CD164L2: variants seen among roughly 807,000 people sequenced by gnomAD.
CD164L2 encodes CD164 sialomucin-like 2 protein.
In CD164L2, 21 loss-of-function variants were observed where a neutral mutation model predicts 23.9. The observed-to-expected ratio is 0.88, with a 90% CI of 0.62 to 1.27. CD164L2 has a LOEUF of 1.27. Among genes scored for constraint, CD164L2 ranks in the 50% most tolerant of loss-of-function variants. The pLI, the probability that CD164L2 is intolerant of heterozygous loss-of-function variation, is 0.00. For missense variants in CD164L2, 230 were observed against 224.8 expected (o/e 1.02, Z -0.15); for synonymous variants, 92 against 90.2 (o/e 1.02, Z -0.11).
Position 27,382,480 on chromosome 1 carries a change from G to A in CD164L2, c.256+20C>T. On this transcript the variant is annotated intron_variant, in intron 2 of 5. Coordinates refer to ENST00000374030, the MANE Select transcript of CD164L2 (RefSeq NM_001330448.1). ...TTCAGAGCTGGGGGCACTCAATCTG[G>A]GGAGGGCTCAGCTCCATACCTGGCT... The A allele has an allele frequency of 6.3e-7, 1 of 1,590,026 alleles. No individual in the cohort carries two copies. Among genetic ancestry groups the A allele is most frequent in the South Asian group, 1.1e-5 (1 of 88,412 alleles).
At position 27,380,113 on chromosome 1, in the gene CD164L2, T is replaced by C. The variant is rs1179936498; in HGVS notation, c.456A>G (p.Leu152=). The change falls in exon 5 of 6, where the codon CTA becomes CTG. Residue 152 remains leucine, a synonymous_variant. Coordinates refer to ENST00000374030, the MANE Select transcript of CD164L2 (RefSeq NM_001330448.1). Reference sequence around the variant, plus strand: ...GCAGCACAAAGAAAGCCACCGCCTGTAGGCTCAACACCAGCACGACACCTC... The same window carrying C: ...GCAGCACAAAGAAAGCCACCGCCTGCAGGCTCAACACCAGCACGACACCTC... ...FIGGVVLVLS[L]QAVAFFVLHF... is the part of the protein sequence containing the mutation. 11 of 1,613,906 alleles carry C rather than the reference T, an allele frequency of 6.8e-6. No individual in the cohort carries two copies. The highest frequency in any genetic ancestry group is 9.3e-6 in the Non-Finnish European group (11 of 1,179,950).
chr1:27,383,142 C>T lies in CD164L2; in HGVS notation c.88+10G>A. Reference sequence around the variant, plus strand: ...CGTCGAGCCCCTAGCCAGACCCTGCCGCGAGTTACCAGCCACAGCCAGCTG... The same window carrying T: ...CGTCGAGCCCCTAGCCAGACCCTGCTGCGAGTTACCAGCCACAGCCAGCTG... On this transcript the variant is annotated intron_variant, in intron 1 of 5. Coordinates refer to ENST00000374030, the MANE Select transcript of CD164L2 (RefSeq NM_001330448.1). The T allele has an allele frequency of 6.5e-7, 1 of 1,546,456 alleles. No homozygotes were observed. Among genetic ancestry groups the T allele is most frequent in the South Asian group, 1.2e-5 (1 of 83,864 alleles).
At chr1:27,382,691 G>A (rs748306241) in intron 1 of CD164L2, 24 bp from the exon 2 acceptor site, 2 of 1,590,686 alleles carry the variant, frequency 1.3e-6, no homozygotes, top group South Asian at 1.1e-5. Context: ...GGAGTGGGAA[G>A]GGAGAATTCC....
At chr1:27,380,320 G>T in intron 4 of CD164L2, 125 bp from the exon 5 acceptor site, 9 of 862,046 alleles carry the variant, frequency 1.0e-5, no homozygotes, top group Non-Finnish European at 1.4e-5. Context: ...TTAAACCCTG[G>T]GCTCCGTTTA....
At position 27,381,798 on chromosome 1, in the gene CD164L2, G is replaced by A. The variant is rs1230715748; in HGVS notation, c.355C>T (p.Pro119Ser). 1 of 1,613,998 alleles carries A rather than the reference G, an allele frequency of 6.2e-7. No homozygotes were observed. Among genetic ancestry groups the A allele is most frequent in the Non-Finnish European group, 8.5e-7 (1 of 1,179,948 alleles). ...PAAHHHPTYE[P>S]KTVTTGSPPV... is the part of the protein sequence containing the mutation. ...TACTCACCTGTTGTGACTGTCTTCG[G>A]TTCATAGGTGGGGTGGTGGTGAGCA... Residue 119 changes from proline to serine, a missense_variant, in exon 4 of 6, where the codon CCG becomes TCG. Transcript: ENST00000374030.
intron 5 of CD164L2, chr1:27,379,722 A>G (rs1571096813): frequency 6.9e-7 from 1 of 1,450,548 alleles, no homozygotes; most frequent in South Asian, 1.5e-5. Flanking sequence ...GCTCCTGCCC[A>G]CAGCCACAGA....
intron 3 of CD164L2, 116 bp downstream of exon 3, chr1:27,382,212 G>C (rs59697423): frequency 8.1e-6 from 13 of 1,608,092 alleles, no homozygotes; most frequent in South Asian, 5.6e-5. Flanking sequence ...AACTGATACC[G>C]GGCCCAGGTA....
intron 4 of CD164L2, among the ~76,000 whole-genome samples, 172 bp from the exon 5 acceptor site, chr1:27,380,367 G>A (rs1339001712): frequency 6.6e-6 from 1 of 152,176 alleles, no homozygotes; most frequent in Non-Finnish European, 1.5e-5. Flanking sequence ...GCGCCTGGTG[G>A]GAGGAACAGT....
chr1:27,382,278 A>G (rs1338974979), intron 3 of CD164L2, 50 bp downstream of exon 3: 3 of 1,614,090 alleles, frequency 1.9e-6, no homozygotes, highest in African/African-American at 2.7e-5. Flanking sequence ...GGGGCAGGCT[A>G]TGGCTGGGGA....
At chr1:27,382,158 A>C in intron 3 of CD164L2, 170 bp downstream of exon 3, 17 of 1,549,848 alleles carry the variant, frequency 1.1e-5, no homozygotes, top group Non-Finnish European at 1.5e-5. Context: ...CAGATGAGGA[A>C]ATAGGCAGAG....
intron 4 of CD164L2, among the ~76,000 whole-genome samples, chr1:27,381,269 C>T (rs1035553363): frequency 6.6e-6 from 1 of 152,212 alleles, no homozygotes; most frequent in African/African-American, 2.4e-5. Context: ...CGGTTTCTGG[C>T]TTTAATTAAC....
In CD164L2 at chr1:27,381,962, GC is replaced by G. The variant is rs1425209424; in HGVS notation, c.329-139del. 4 of 1,369,328 alleles carry G rather than the reference GC, an allele frequency of 2.9e-6. No individual in the cohort carries two copies. The African/African-American group carries it at 4.3e-5, about 15-fold the overall frequency. The allele number at this position is 1,369,328 out of a possible 1,614,324, so 84.8% of individuals were successfully genotyped here. ...CTCTAGACATCCAACATACTTGCAA[GC>G]CCCACACAGTTCCCTCCACCAGATG... On this transcript the variant is annotated intron_variant, in intron 3 of 5. Coordinates refer to ENST00000374030, the MANE Select transcript of CD164L2 (RefSeq NM_001330448.1).
In CD164L2 at chr1:27,382,325, T is replaced by C. The variant is rs372520592; in HGVS notation, c.328+3A>G. On this transcript the variant is annotated splice_donor_region_variant and intron_variant, in intron 3 of 5. Coordinates refer to ENST00000374030, the MANE Select transcript of CD164L2 (RefSeq NM_001330448.1). ...CTTGGCTTAGGTGCAAGAACCCCCT[T>C]ACCTGGACATGCCTCTGAGCGGTTG... is the stretch of plus-strand genomic sequence containing the variant. 8.1e-6 allele frequency: 13 copies of C among 1,613,982 alleles called. No individual in the cohort carries two copies. The African/African-American group carries it at 1.6e-4, about 20-fold the overall frequency.
chr1:27,380,630 G>A (rs1287581734), intron 4 of CD164L2, among the ~76,000 whole-genome samples: 1 of 152,182 alleles, frequency 6.6e-6, no homozygotes. Context: ...AGATGCAGAC[G>A]ATATAGTCCC....
chr1:27,379,817 T>G, intron 5 of CD164L2: 2 of 1,447,516 alleles, frequency 1.4e-6, no homozygotes, highest in Non-Finnish European at 1.8e-6. Flanking sequence ...ACAGGAGGGC[T>G]CAGCTGGGCT....
At chr1:27,379,720 C>T in intron 5 of CD164L2, 2 of 1,451,092 alleles carry the variant, frequency 1.4e-6, no homozygotes, top group Non-Finnish European at 1.8e-6. Context: ...CAGCTCCTGC[C>T]CACAGCCACA....
At chr1:27,379,829 C>A (rs1193719911) in intron 5 of CD164L2, 1 of 1,461,730 alleles carries the variant, frequency 6.8e-7, no homozygotes, top group East Asian at 2.4e-5. Flanking sequence ...AGCTGGGCTC[C>A]TAGACTGGCC....
At position 27,383,232 on chromosome 1, in the gene CD164L2, G is replaced by GCCTC; in HGVS notation, c.4_7dup (p.Ala3GlyfsTer30). The GCCTC allele has an allele frequency of 6.5e-7, 1 of 1,543,366 alleles. No individual in the cohort carries two copies. On this transcript the variant is annotated frameshift_variant, in exon 1 of 6. Transcript: ENST00000374030. LOFTEE classifies it high-confidence loss of function. ...AGTCCGCAAGGCGCGGGGTCCCGGA[G>GCCTC]CCTCCATGGGCTCGCGGGGTGGGGG...
At position 27,379,413 on chromosome 1, in the gene CD164L2, G is replaced by A. The variant is rs2016296280; in HGVS notation, c.*90C>T. On this transcript the variant is annotated 3_prime_UTR_variant, in exon 6 of 6. Coordinates refer to ENST00000374030, the MANE Select transcript of CD164L2 (RefSeq NM_001330448.1). ...AAAACTGGCGGCCAGAGTTTTTCCC[G>A]CCCCCGCCCCCCGCTTACCCACAAG... 9.4e-6 allele frequency: 7 copies of A among 745,834 alleles called. No homozygotes were observed. Among genetic ancestry groups the A allele is most frequent in the South Asian group, 1.6e-5 (1 of 64,466 alleles). The allele number at this position is 745,834 out of a possible 1,614,324, so 46.2% of individuals were successfully genotyped here.
Sources: allele counts gnomAD v4.1 joint callset (sites outside exome capture counted in the v4.1 genomes callset), GRCh38; gene constraint gnomAD v4.1.1; transcripts MANE v1.5; gene names NCBI Gene and HGNC (gene_info 2026-07-23, HGNC 2026-07-21).